RANBP17: variants seen among roughly 807,000 people sequenced by gnomAD.
RANBP17 encodes ran-binding protein 17.
RANBP17 carries 158 observed loss-of-function variants against 141.2 expected under a neutral mutation model. The ratio of observed to expected loss-of-function variants is 1.12; its 90% CI spans 0.98 to 1.28. The LOEUF (loss-of-function observed/expected upper bound fraction) is 1.28, where lower values mean the gene tolerates loss of function less well. Among genes scored for constraint, RANBP17 ranks in the 50% most tolerant of loss-of-function variants. The pLI is 0.00. For missense variants in RANBP17, 1,438 were observed against 1,290.7 expected, an observed-to-expected ratio of 1.11 and a Z score of -1.75; for synonymous variants, 430 against 450.0, an observed-to-expected ratio of 0.96 and a Z score of 0.56.
chr5:171,088,912 C>G (rs1269829987), intron 14 of RANBP17, among the ~76,000 whole-genome samples: 1 of 151,930 alleles, frequency 6.6e-6, no homozygotes, highest in African/African-American at 2.4e-5. Flanking sequence ...GTTTGAATGT[C>G]CTCCTGTAGC....
intron 22 of RANBP17, among the ~76,000 whole-genome samples, chr5:171,227,716 G>A (rs1277479310): frequency 6.6e-6 from 1 of 152,180 alleles, no homozygotes; most frequent in African/African-American, 2.4e-5. Flanking sequence ...TGGCTTCAAA[G>A]GACAGACTGA....
intron 14 of RANBP17, among the ~76,000 whole-genome samples, chr5:171,090,327 C>G (rs999373611): frequency 6.6e-6 from 1 of 152,136 alleles, no homozygotes; most frequent in African/African-American, 2.4e-5. Context: ...TGACCCTGCC[C>G]TAGAGATTTG....
intron 4 of RANBP17, among the ~76,000 whole-genome samples, 172 bp downstream of exon 4, chr5:170,892,725 G>A (rs1178646473): frequency 1.3e-5 from 2 of 152,046 alleles, no homozygotes; most frequent in Admixed American, 1.3e-4. Context: ...AATGAGGATC[G>A]TGCTGTTACA....
intron 22 of RANBP17, among the ~76,000 whole-genome samples, chr5:171,238,886 G>A (rs574389269): frequency 1.3e-5 from 2 of 152,250 alleles, no homozygotes; most frequent in South Asian, 4.1e-4. Flanking sequence ...AGGAAAGTTA[G>A]TCTCTTTTTC....
intron 13 of RANBP17, among the ~76,000 whole-genome samples, chr5:170,956,156 G>A (rs1175045569): frequency 2.0e-5 from 3 of 151,728 alleles, no homozygotes; most frequent in African/African-American, 7.3e-5. Context: ...CTGATTTGAA[G>A]TGGCACTTAT....
At chr5:170,948,583 TCTC>T (rs1245710260) in intron 12 of RANBP17, among the ~76,000 whole-genome samples, 1 of 152,134 alleles carries the variant, frequency 6.6e-6, no homozygotes, top group Non-Finnish European at 1.5e-5. Flanking sequence ...CAGAAAGACT[TCTC>T]ATCGTCGTGG....
intron 14 of RANBP17, among the ~76,000 whole-genome samples, chr5:171,092,744 A>C (rs1434167002): frequency 6.6e-6 from 1 of 152,226 alleles, no homozygotes; most frequent in Non-Finnish European, 1.5e-5. Flanking sequence ...CCAGCTTCTA[A>C]TAAAATCTAG....
At chr5:171,252,366 A>T in intron 24 of RANBP17, 1 of 1,538,356 alleles carries the variant, frequency 6.5e-7, no homozygotes, top group Non-Finnish European at 9.0e-7. Flanking sequence ...ATGAAACCAG[A>T]TGTCTTACTT....
At chr5:171,065,073 A>G (rs531163319) in intron 14 of RANBP17, among the ~76,000 whole-genome samples, 3 of 152,216 alleles carry the variant, frequency 2.0e-5, no homozygotes, top group Non-Finnish European at 4.4e-5. Context: ...TTCCTTACAG[A>G]TGGGTTTTAG....
At chr5:170,941,943 C>T (rs1432467182) in intron 12 of RANBP17, among the ~76,000 whole-genome samples, 5 of 152,118 alleles carry the variant, frequency 3.3e-5, no homozygotes, top group African/African-American at 1.2e-4. Context: ...TCCCCAAACC[C>T]CAGGCCATGA....
At chr5:171,161,113 G>A (rs1759318422) in intron 14 of RANBP17, among the ~76,000 whole-genome samples, 1 of 152,066 alleles carries the variant, frequency 6.6e-6, no homozygotes, top group Non-Finnish European at 1.5e-5. Flanking sequence ...AAATCATTCT[G>A]TCAAATATTA....
At chr5:171,165,329 A>G (rs888497286) in intron 14 of RANBP17, among the ~76,000 whole-genome samples, 17 of 151,428 alleles carry the variant, frequency 1.1e-4, no homozygotes, top group African/African-American at 3.9e-4. Context: ...TTACAGGTAC[A>G]CGCCACGACG....
At chr5:171,027,988 A>G (rs61657728) in intron 14 of RANBP17, among the ~76,000 whole-genome samples, 3,654 of 152,182 alleles carry the variant, frequency 0.024, 129 homozygotes, top group African/African-American at 0.082. Flanking sequence ...TACTGAGGTA[A>G]AATGGAATTT....
At chr5:171,089,392 G>A (rs1444701479) in intron 14 of RANBP17, among the ~76,000 whole-genome samples, 105 of 151,554 alleles carry the variant, frequency 6.9e-4, no homozygotes, top group Non-Finnish European at 1.1e-3. Context: ...TAAGTTTGCA[G>A]AGGTTACTGC....
chr5:171,016,597 A>G (rs534791603), intron 14 of RANBP17, among the ~76,000 whole-genome samples: 180 of 152,078 alleles, frequency 1.2e-3, no homozygotes, highest in Non-Finnish European at 2.1e-3. Flanking sequence ...GGTTTTTTAC[A>G]TATGTATACG....
chr5:171,042,189 C>G (rs1561584676), intron 14 of RANBP17, among the ~76,000 whole-genome samples: 1 of 151,886 alleles, frequency 6.6e-6, no homozygotes, highest in Non-Finnish European at 1.5e-5. Context: ...TTGAAAAATA[C>G]ACTTATATTT....
intron 14 of RANBP17, among the ~76,000 whole-genome samples, chr5:171,140,192 A>G (rs1757594632): frequency 6.6e-6 from 1 of 152,050 alleles, no homozygotes; most frequent in Non-Finnish European, 1.5e-5. Flanking sequence ...AGCACCCTCT[A>G]CTTTTCCATT....
At chr5:171,002,504 A>G (rs1779283976) in intron 14 of RANBP17, among the ~76,000 whole-genome samples, 1 of 151,918 alleles carries the variant, frequency 6.6e-6, no homozygotes, top group African/African-American at 2.4e-5. Context: ...ATGTTGGAGG[A>G]CCCTTGTGTA....
At chr5:171,150,179 T>C (rs1758371105) in intron 14 of RANBP17, among the ~76,000 whole-genome samples, 2 of 152,176 alleles carry the variant, frequency 1.3e-5, no homozygotes, top group South Asian at 4.2e-4. Context: ...TGGGAATCTA[T>C]ACCACTCTTT....
Sources: allele counts gnomAD v4.1 joint callset (sites outside exome capture counted in the v4.1 genomes callset), GRCh38; gene constraint gnomAD v4.1.1; transcripts MANE v1.5; gene names NCBI Gene and HGNC (gene_info 2026-07-23, HGNC 2026-07-21).